Variants in PRKG1 observed in about 807,000 individuals in gnomAD.
The protein encoded by PRKG1 is protein kinase cGMP-dependent 1, also known as cGMP-dependent protein kinase 1.
PRKG1 carries 35 observed loss-of-function variants against 88.1 expected under a neutral mutation model. The observed-to-expected ratio is 0.40, with a 90% CI of 0.30 to 0.53. The LOEUF (loss-of-function observed/expected upper bound fraction) is 0.53. PRKG1 is among the 20% of genes least tolerant of loss of function. PRKG1 has a pLI of 0.59. For missense variants in PRKG1, 540 were observed against 839.8 expected (o/e 0.64, Z 4.41); for synonymous variants, 303 against 292.5 (o/e 1.04, Z -0.37).
chr10:51,997,453 G>C (rs922054983), intron 5 of PRKG1, among the ~76,000 whole-genome samples: 1 of 142,996 alleles, frequency 7.0e-6, no homozygotes, highest in African/African-American at 2.7e-5. Context: ...CCTGGCAAGA[G>C]AGTGAGACTC....
At chr10:51,516,846 C>G (rs925641026) in intron 3 of PRKG1, among the ~76,000 whole-genome samples, 27 of 152,070 alleles carry the variant, frequency 1.8e-4, no homozygotes, top group African/African-American at 6.3e-4. Flanking sequence ...TTTGTACATT[C>G]GTTGAGCTTA....
At chr10:51,368,799 A>G (rs1444126027) in intron 2 of PRKG1, among the ~76,000 whole-genome samples, 1 of 152,086 alleles carries the variant, frequency 6.6e-6, no homozygotes, top group Non-Finnish European at 1.5e-5. Flanking sequence ...TTGTGGACTA[A>G]ACTGGCTTAA....
chr10:51,426,962 CT>C (rs1276528416), intron 2 of PRKG1, among the ~76,000 whole-genome samples: 7 of 152,154 alleles, frequency 4.6e-5, no homozygotes, highest in African/African-American at 1.7e-4. Context: ...TCCTGTCTCA[CT>C]TAATCTCAAG....
At chr10:51,989,924 T>C (rs1460096694) in intron 5 of PRKG1, among the ~76,000 whole-genome samples, 1 of 152,194 alleles carries the variant, frequency 6.6e-6, no homozygotes, top group African/African-American at 2.4e-5. Flanking sequence ...TTTCTTATAA[T>C]AGTTTTAAGA....
chr10:52,210,493 T>A (rs1371764241), intron 9 of PRKG1, among the ~76,000 whole-genome samples: 3 of 152,180 alleles, frequency 2.0e-5, no homozygotes, highest in Non-Finnish European at 4.4e-5. Context: ...TTCTGCTCGT[T>A]TCTTTTATAA....
intron 2 of PRKG1, among the ~76,000 whole-genome samples, chr10:51,332,774 G>A (rs1841775020): frequency 6.6e-6 from 1 of 152,162 alleles, no homozygotes; most frequent in African/African-American, 2.4e-5. Flanking sequence ...AAGGAACCAC[G>A]ATTTGGGAAA....
intron 10 of PRKG1, among the ~76,000 whole-genome samples, chr10:52,262,474 T>C (rs1190628654): frequency 1.3e-5 from 2 of 152,124 alleles, no homozygotes; most frequent in Non-Finnish European, 2.9e-5. Flanking sequence ...TTTCACCATG[T>C]TGGCCAGGCT....
chr10:51,509,618 C>T (rs1841332239), intron 3 of PRKG1, among the ~76,000 whole-genome samples: 1 of 152,148 alleles, frequency 6.6e-6, no homozygotes. Flanking sequence ...TTAAGCAATC[C>T]TCCTGCCTCA....
At chr10:51,948,226 G>A (rs970626603) in intron 5 of PRKG1, among the ~76,000 whole-genome samples, 5 of 151,940 alleles carry the variant, frequency 3.3e-5, no homozygotes, top group African/African-American at 9.7e-5. Context: ...ATATTTTATT[G>A]CCATACATAG....
chr10:51,850,105 T>C (rs1038444483), intron 4 of PRKG1, among the ~76,000 whole-genome samples: 2 of 152,246 alleles, frequency 1.3e-5, no homozygotes, highest in African/African-American at 4.8e-5. Flanking sequence ...TCACTTGTTT[T>C]ATAATCTTGA....
chr10:51,267,919 C>T (rs770098486), intron 2 of PRKG1, among the ~76,000 whole-genome samples: 4 of 152,182 alleles, frequency 2.6e-5, no homozygotes, highest in African/African-American at 7.2e-5. Context: ...CCAGAATTAT[C>T]GGGGGAAATT....
rs73339994 is a variant in PRKG1 at position 51,560,176 on chromosome 10, G to C, written c.592+92340G>C. ...GGTAAAACAAACTCATTCCCCTTTT[G>C]GTGGGTAGGTTGTGTTTTTTTCCCT... On this transcript the variant is annotated intron_variant, in intron 3 of 17. Transcript: ENST00000373980. 5.2e-3 allele frequency among the ~76,000 whole-genome samples: 789 copies of C among 152,058 alleles called. 8 individuals carry two copies. The highest frequency in any genetic ancestry group is 0.018 in the African/African-American group (754 of 41,528).
intron 3 of PRKG1, among the ~76,000 whole-genome samples, chr10:51,768,032 A>T (rs11814467): frequency 0.031 from 4,644 of 152,162 alleles, 204 homozygotes; most frequent in African/African-American, 0.099. Flanking sequence ...AATAAATAAA[A>T]AAACGTTTTA....
chr10:52,063,960 C>A (rs1361266500), intron 7 of PRKG1, among the ~76,000 whole-genome samples: 1 of 152,184 alleles, frequency 6.6e-6, no homozygotes, highest in Non-Finnish European at 1.5e-5. Context: ...GAAATACATG[C>A]TGATTGGTTC....
At chr10:51,826,197 A>G (rs760633023) in intron 4 of PRKG1, among the ~76,000 whole-genome samples, 3 of 152,160 alleles carry the variant, frequency 2.0e-5, no homozygotes, top group Non-Finnish European at 4.4e-5. Context: ...TGTGGATAAG[A>G]TAGAACAATT....
intron 3 of PRKG1, among the ~76,000 whole-genome samples, chr10:51,483,301 G>A (rs555432971): frequency 1.3e-4 from 20 of 152,184 alleles, no homozygotes; most frequent in Non-Finnish European, 2.2e-4. Flanking sequence ...GATTACAGGC[G>A]TGAGCCACCG....
chr10:52,192,274 C>T (rs1197739714), intron 9 of PRKG1, among the ~76,000 whole-genome samples: 1 of 152,208 alleles, frequency 6.6e-6, no homozygotes, highest in South Asian at 2.1e-4. Context: ...ATGTACATTT[C>T]CTCCCCTGGA....
intron 2 of PRKG1, among the ~76,000 whole-genome samples, chr10:51,319,417 T>C (rs1452645599): frequency 6.6e-6 from 1 of 152,222 alleles, no homozygotes; most frequent in Non-Finnish European, 1.5e-5. Flanking sequence ...TGCTTTGTGC[T>C]ATTGTTGGGT....
chr10:51,497,314 G>C (rs1053436934), intron 3 of PRKG1, among the ~76,000 whole-genome samples: 2 of 151,858 alleles, frequency 1.3e-5, no homozygotes, highest in Non-Finnish European at 2.9e-5. Flanking sequence ...TACTTTTCCC[G>C]TGAATCATCC....
Sources: allele counts gnomAD v4.1 joint callset (sites outside exome capture counted in the v4.1 genomes callset), GRCh38; gene constraint gnomAD v4.1.1; transcripts MANE v1.5; gene names NCBI Gene and HGNC (gene_info 2026-07-23, HGNC 2026-07-21).